The following CPEB2 variants were observed in gnomAD, a reference collection of about 807,000 sequenced individuals.
The protein encoded by CPEB2 is cytoplasmic polyadenylation element binding protein 2.
In CPEB2, 56 loss-of-function variants were observed where a neutral mutation model predicts 93.6. That is an observed-to-expected ratio of 0.60 (90% CI 0.48 to 0.75). CPEB2 has a LOEUF of 0.75. Ranked by LOEUF, CPEB2 falls within the 30% of genes least tolerant of loss-of-function variation. The pLI, the probability that CPEB2 is intolerant of heterozygous loss-of-function variation, is 0.00. For missense variants in CPEB2, 1,579 were observed against 1,395.1 expected (o/e 1.13, Z -2.10); for synonymous variants, 764 against 586.3 (o/e 1.30, Z -4.38).
intron 6 of CPEB2, among the ~76,000 whole-genome samples, chr4:15,042,015 T>C (rs1727232330): frequency 6.6e-6 from 1 of 152,168 alleles, no homozygotes; most frequent in Admixed American, 6.5e-5. Context: ...GGGAGCAGTT[T>C]AGAAGTTTAG....
In CPEB2 at chr4:15,003,763, G is replaced by A. The variant is rs1722357724; in HGVS notation, c.1090G>A (p.Gly364Ser). 2 of 1,231,084 alleles carry A rather than the reference G, an allele frequency of 1.6e-6. No individual in the cohort carries two copies. Among genetic ancestry groups the A allele is most frequent in the African/African-American group, 1.6e-5 (1 of 62,326 alleles). The allele number at this position is 1,231,084 out of a possible 1,614,324, so 76.3% of individuals were successfully genotyped here. A position where few individuals can be genotyped will look rare whatever the true frequency, so the allele number is the denominator to read the frequency against. Residue 364 changes from glycine to serine, a missense_variant, in exon 1 of 12, where the codon GGC becomes AGC. Around this residue, in one of 2 missense-constraint regions of CPEB2, gnomAD observed 1,411 missense variants for 1,056.0 expected, o/e 1.34. Transcript: ENST00000538197. Reference sequence around the variant, plus strand: ...CGGCGGGGGCGGGGGGCCCCCAGGAGGCGGAGGGGGAGGCGGCTCCGCGTC... The same window carrying A: ...CGGCGGGGGCGGGGGGCCCCCAGGAAGCGGAGGGGGAGGCGGCTCCGCGTC... ...GGGGGGGPPG[G>S]GGGGGSASPP... is the part of the protein sequence containing the mutation.
At chr4:15,018,928 G>A (rs1724478620) in intron 4 of CPEB2, among the ~76,000 whole-genome samples, 1 of 112,176 alleles carries the variant, frequency 8.9e-6, no homozygotes, top group African/African-American at 3.5e-5. Context: ...ATAAGGCTAA[G>A]GGGAATTTTA....
rs1308892502 is a variant in CPEB2, at chr4:15,004,343, G to A, written c.1662+8G>A. 7 of 1,440,418 alleles carry A rather than the reference G, an allele frequency of 4.9e-6. No homozygotes were observed. Among genetic ancestry groups the A allele is most frequent in the Non-Finnish European group, 6.3e-6 (7 of 1,107,546 alleles). 89.2% of individuals were successfully genotyped at this position (1,440,418 alleles called of 1,614,324 possible). On this transcript the variant is annotated splice_region_variant and intron_variant, in intron 1 of 11. Transcript: ENST00000538197. ...TCCTATAACCACCACCAGGTACGGC[G>A]GGCGGCGGCCTGGCCGCGCCGCGGG... is the stretch of plus-strand genomic sequence containing the variant.
intron 3 of CPEB2, among the ~76,000 whole-genome samples, chr4:15,013,152 T>C (rs1411491965): frequency 6.6e-6 from 1 of 151,904 alleles, no homozygotes; most frequent in African/African-American, 2.4e-5. Context: ...TGTAAGTGTT[T>C]GTGGCAAATG....
intron 10 of CPEB2, among the ~76,000 whole-genome samples, chr4:15,060,058 T>C (rs1404522688): frequency 6.6e-6 from 1 of 152,142 alleles, no homozygotes; most frequent in African/African-American, 2.4e-5. Context: ...TATTTGTAGT[T>C]GAGCTGACAT....
At chr4:15,042,983 C>A (rs1291880854) in intron 6 of CPEB2, among the ~76,000 whole-genome samples, 1 of 152,132 alleles carries the variant, frequency 6.6e-6, no homozygotes, top group South Asian at 2.1e-4. Flanking sequence ...ATGTGTCACA[C>A]TGAGTTGATA....
chr4:15,015,944 TTATTG>T (rs1202743643), intron 3 of CPEB2, among the ~76,000 whole-genome samples: 3 of 151,974 alleles, frequency 2.0e-5, no homozygotes, highest in African/African-American at 4.8e-5. Flanking sequence ...TCAGAATATC[TTATTG>T]TATTGTCCTA....
In CPEB2 at chr4:15,003,507, C is replaced by T. The variant is rs1164007053; in HGVS notation, c.834C>T (p.Gly278=). Residue 278 remains glycine (G), a synonymous_variant, in exon 1 of 12, where the codon GGC becomes GGT. Coordinates refer to ENST00000538197, the MANE Select transcript of CPEB2 (RefSeq NM_001177382.2). ...PPAAPRRRHG[G]AGSPRKTPAA... ...CAGCCCCGCGGCGCCGCCACGGAGG[C>T]GCGGGCAGCCCTCGCAAGACCCCAG... 3.5e-6 allele frequency: 5 copies of T among 1,416,222 alleles called. No individual in the cohort carries two copies. The African/African-American group carries it at 6.0e-5, about 17-fold the overall frequency. The allele number at this position is 1,416,222 out of a possible 1,614,324, so 87.7% of individuals were successfully genotyped here. A position where few individuals can be genotyped will look rare whatever the true frequency, so the allele number is the denominator to read the frequency against.
chr4:15,020,648 G>A (rs1004696366), intron 4 of CPEB2, among the ~76,000 whole-genome samples: 1 of 152,114 alleles, frequency 6.6e-6, no homozygotes, highest in Non-Finnish European at 1.5e-5. Flanking sequence ...TCTTGTTGAA[G>A]TTGTACAGAT....
At chr4:15,055,672 A>G (rs1269098638) in intron 8 of CPEB2, among the ~76,000 whole-genome samples, 1 of 151,984 alleles carries the variant, frequency 6.6e-6, no homozygotes, top group Admixed American at 6.6e-5. Flanking sequence ...ACCTGCATAA[A>G]CCCTTTAATG....
chr4:15,054,930 G>GA (rs529017641), intron 8 of CPEB2, among the ~76,000 whole-genome samples: 352 of 152,266 alleles, frequency 2.3e-3, no homozygotes, highest in African/African-American at 8.0e-3. Flanking sequence ...AAACATTGCT[G>GA]AAATATAATT....
intron 6 of CPEB2, among the ~76,000 whole-genome samples, chr4:15,041,261 G>T (rs1727157864): frequency 6.6e-6 from 1 of 152,094 alleles, no homozygotes; most frequent in East Asian, 1.9e-4. Context: ...CTACTAGATT[G>T]TTCTTTAAAT....
intron 3 of CPEB2, among the ~76,000 whole-genome samples, chr4:15,014,679 A>AT (rs1039927843): frequency 4.0e-5 from 6 of 151,780 alleles, no homozygotes; most frequent in African/African-American, 1.5e-4. Context: ...TTTTTTTTAC[A>AT]TTTTTTATTG....
chr4:15,033,454 G>A (rs898228577), intron 5 of CPEB2, among the ~76,000 whole-genome samples: 2 of 152,200 alleles, frequency 1.3e-5, no homozygotes, highest in Non-Finnish European at 2.9e-5. Context: ...GTCCTGGTTT[G>A]AATATTGCCT....
intron 5 of CPEB2, 86 bp downstream of exon 5, chr4:15,033,297 A>C: frequency 4.8e-6 from 4 of 825,814 alleles, no homozygotes. Flanking sequence ...GTCCATACAC[A>C]CAATTTAATC....
chr4:15,045,773 G>A (rs770850009), intron 6 of CPEB2, among the ~76,000 whole-genome samples: 1 of 152,038 alleles, frequency 6.6e-6, no homozygotes, highest in Non-Finnish European at 1.5e-5. Flanking sequence ...TCTAACTCTT[G>A]TGGTAAGAGC....
chr4:15,006,141 G>GT (rs1722787699), intron 1 of CPEB2, among the ~76,000 whole-genome samples: 1 of 152,156 alleles, frequency 6.6e-6, no homozygotes, highest in Non-Finnish European at 1.5e-5. Flanking sequence ...GAATGAAGTG[G>GT]TTTGTCCATG....
rs1048921355 is a variant in CPEB2, at chr4:15,003,407, C to T, written c.734C>T (p.Ser245Leu). The T allele has an allele frequency of 2.2e-6, 3 of 1,360,134 alleles. No individual in the cohort carries two copies. Among genetic ancestry groups the T allele is most frequent in the East Asian group, 6.2e-5 (2 of 32,220 alleles). The allele number at this position is 1,360,134 out of a possible 1,614,324, so 84.3% of individuals were successfully genotyped here. Residue 245 changes from serine (S) to leucine (L), a missense_variant, in exon 1 of 12, where the codon TCG (serine) becomes TTG (leucine). Transcript: ENST00000538197. ...AGCCTCCTGCATCAGCAGCACCTCT[C>T]GCCGCAGGACTTCGCCCCGCGGCAG... The part of the protein sequence containing the change: ...QFSLLHQQHL[S>L]PQDFAPRQRP...
At chr4:15,006,058 C>G (rs983941173) in intron 1 of CPEB2, among the ~76,000 whole-genome samples, 6 of 116,210 alleles carry the variant, frequency 5.2e-5, no homozygotes, top group East Asian at 9.2e-4. Context: ...ACACAGCTTT[C>G]ATATGGAATT....
Sources: gnomAD v4.1 joint callset for allele counts (sites outside exome capture counted in the v4.1 genomes callset) on GRCh38, gnomAD v4.1.1 for gene constraint, gnomAD v4.1.1 regional missense constraint, MANE v1.5 for transcripts, NCBI Gene and HGNC (gene_info 2026-07-23, HGNC 2026-07-21) for gene names.